The following FBLN2 variants were observed in gnomAD, a reference collection of about 807,000 sequenced individuals.
The protein encoded by FBLN2 is fibulin 2, also known as fibulin-2.
FBLN2 carries 81 observed loss-of-function variants against 123.7 expected under a neutral mutation model. The ratio of observed to expected loss-of-function variants is 0.65; its 90% confidence interval spans 0.55 to 0.79. The LOEUF (loss-of-function observed/expected upper bound fraction) is 0.79, where lower values mean the gene tolerates loss of function less well. Among genes scored for constraint, FBLN2 ranks in the 30% least tolerant of loss-of-function variants. The pLI, the probability that FBLN2 is intolerant of heterozygous loss-of-function variation, is 0.00. For synonymous variants in FBLN2, 699 were observed against 701.4 expected, an observed-to-expected ratio of 1.00 and a Z score of 0.05; for missense variants, 1,603 against 1,681.3, an observed-to-expected ratio of 0.95 and a Z score of 0.81.
chr3:13,590,854 G>A (rs1401442909), intron 2 of FBLN2, among the ~76,000 whole-genome samples: 1 of 152,202 alleles, frequency 6.6e-6, no homozygotes, highest in Non-Finnish European at 1.5e-5. Context: ...GTTCCATGCT[G>A]CACACTGTTG....
chr3:13,586,664 ATTTTTTTT>A (rs539204519), intron 2 of FBLN2, among the ~76,000 whole-genome samples: 1 of 124,820 alleles, frequency 8.0e-6, no homozygotes, highest in African/African-American at 3.2e-5. Context: ...TGCCCAGCTA[ATTTTTTTT>A]TTTTTTTTTT....
intron 4 of FBLN2, among the ~76,000 whole-genome samples, chr3:13,610,711 G>A (rs1250153134): frequency 6.6e-6 from 1 of 152,052 alleles, no homozygotes; most frequent in Non-Finnish European, 1.5e-5. Context: ...AAAACTTCCT[G>A]GAACACTGGT....
rs755138418 is a variant in FBLN2 at position 13,571,243 on chromosome 3, G to A, written c.888G>A (p.Leu296=). 6.4e-7 allele frequency: 1 copy of A among 1,567,746 alleles called. No homozygotes were observed. The highest frequency in any genetic ancestry group is 8.6e-7 in the Non-Finnish European group (1 of 1,156,794). ...EREEMAVTEQ[L]AAGGHRGLDG... ...AGGAAATGGCTGTCACTGAGCAGCT[G>A]GCAGCAGGTGGCCACAGGGGGCTGG... Residue 296 remains leucine, a synonymous_variant, in exon 2 of 18, where the codon CTG becomes CTA. Transcript: ENST00000404922.
intron 1 of FBLN2, among the ~76,000 whole-genome samples, chr3:13,551,246 C>T (rs887504719): frequency 1.3e-4 from 20 of 152,286 alleles, no homozygotes; most frequent in African/African-American, 4.1e-4. Flanking sequence ...TCCTACCCTT[C>T]GAGGCCTTAG....
chr3:13,561,349 T>C (rs1049397731), intron 1 of FBLN2, among the ~76,000 whole-genome samples: 1 of 152,130 alleles, frequency 6.6e-6, no homozygotes, highest in Non-Finnish European at 1.5e-5. Flanking sequence ...TTTGCTGAGG[T>C]CCCTGGGCCC....
At position 13,570,891 on chromosome 3, in the gene FBLN2, G is replaced by A. The variant is rs751166659; in HGVS notation, c.536G>A (p.Gly179Glu). The change falls in exon 2 of 18, where the codon GGG becomes GAG. Residue 179 changes from glycine to glutamate, a missense_variant. Transcript: ENST00000404922. ...LICYQLPGCH[G>E]NFSDAEEGDP... ...TGCTACCAGCTCCCCGGTTGCCACG[G>A]GAACTTCTCAGATGCCGAGGAGGGT... is the stretch of plus-strand genomic sequence containing the variant. 6.2e-7 allele frequency: 1 copy of A among 1,612,422 alleles called. No individual in the cohort carries two copies. The highest frequency in any genetic ancestry group is 8.5e-7 in the Non-Finnish European group (1 of 1,179,526).
intron 2 of FBLN2, among the ~76,000 whole-genome samples, chr3:13,599,683 T>G (rs1574971923): frequency 6.7e-6 from 1 of 148,772 alleles, no homozygotes; most frequent in Non-Finnish European, 1.5e-5. Context: ...GCCCTGTGAG[T>G]GATAGACTGG....
intron 16 of FBLN2, among the ~76,000 whole-genome samples, chr3:13,636,027 G>A (rs1706452569): frequency 6.6e-6 from 1 of 152,184 alleles, no homozygotes; most frequent in Admixed American, 6.5e-5. Flanking sequence ...CCAGCAGTAG[G>A]AAAAGCTGGG....
rs1442150065 is a variant in FBLN2, at chr3:13,618,122, A to G, written c.1776A>G (p.Thr592=). 1 of 1,613,534 alleles carries G rather than the reference A, an allele frequency of 6.2e-7. No individual in the cohort carries two copies. The highest frequency in any genetic ancestry group is 1.1e-5 in the South Asian group (1 of 91,084). The change falls in exon 6 of 18, where the codon ACA becomes ACG. Residue 592 remains threonine (T), a synonymous_variant. Transcript: ENST00000404922. ...MAGREALSLG[T]EAELPNSLPG... is the part of the protein sequence containing the mutation. The stretch of plus-strand genomic sequence containing the variant: ...GCCGAGAGGCCCTGTCACTGGGCAC[A>G]GAGGCCGAGCTGCCGAACAGCCTGC...
At chr3:13,558,281 G>T (rs2125033677) in intron 1 of FBLN2, among the ~76,000 whole-genome samples, 1 of 152,120 alleles carries the variant, frequency 6.6e-6, no homozygotes, top group African/African-American at 2.4e-5. Flanking sequence ...CTCCATCTCT[G>T]TCTTGGTCTC....
intron 2 of FBLN2, among the ~76,000 whole-genome samples, chr3:13,574,156 G>C (rs1290817610): frequency 6.6e-6 from 1 of 152,202 alleles, no homozygotes; most frequent in Admixed American, 6.5e-5. Context: ...GCAGTCATTT[G>C]AGTTTTAGGG....
intron 2 of FBLN2, among the ~76,000 whole-genome samples, chr3:13,592,944 T>C (rs1184519931): frequency 6.6e-6 from 1 of 152,182 alleles, no homozygotes; most frequent in Non-Finnish European, 1.5e-5. Context: ...TGGTCTGGGA[T>C]GGCCTCTGCT....
In FBLN2 at chr3:13,637,951, G is replaced by A. The variant is rs576053173; in HGVS notation, c.*32G>A. On this transcript the variant is annotated 3_prime_UTR_variant, in exon 18 of 18. Transcript: ENST00000404922. ...AGCACGGGCCACCTGCGGGTGTGGC[G>A]CAGCCCAGGGCTCACACTGCGTGGG... 3.2e-5 allele frequency: 48 copies of A among 1,523,596 alleles called. No homozygotes were observed. In the East Asian group the frequency reaches 7.7e-4, roughly 24 times the overall value. The allele number at this position is 1,523,596 out of a possible 1,614,324, so 94.4% of individuals were successfully genotyped here.
intron 2 of FBLN2, among the ~76,000 whole-genome samples, chr3:13,598,698 C>T (rs146968134): frequency 6.6e-6 from 1 of 152,146 alleles, no homozygotes; most frequent in Admixed American, 6.6e-5. Context: ...TTACCAGGGA[C>T]CTGGTCTGTG....
In FBLN2 at chr3:13,621,804, G is replaced by A. The variant is rs372097524; in HGVS notation, c.2185G>A (p.Asp729Asn). The change falls in exon 9 of 18, where the codon GAT (aspartate) becomes AAT (asparagine). Residue 729 changes from aspartate (D) to asparagine (N), a missense_variant. Transcript: ENST00000404922. Reference sequence around the variant, plus strand: ...AGACGAGTGCCTGATGGGTGCTCACGATTGTAGCCGGCGACAGTTCTGTGT... The same window carrying A: ...AGACGAGTGCCTGATGGGTGCTCACAATTGTAGCCGGCGACAGTTCTGTGT... The part of the protein sequence containing the change: ...DQDECLMGAH[D>N]CSRRQFCVNT... The A allele has an allele frequency of 6.2e-6, 10 of 1,613,918 alleles. No homozygotes were observed. The highest frequency in any genetic ancestry group is 3.3e-5 in the South Asian group (3 of 91,082).
chr3:13,587,619 G>A (rs2124850732), intron 2 of FBLN2, among the ~76,000 whole-genome samples: 1 of 152,360 alleles, frequency 6.6e-6, no homozygotes, highest in Non-Finnish European at 1.5e-5. Context: ...TTCAGGCCAT[G>A]AAGGGAAGTG....
intron 1 of FBLN2, 64 bp from the exon 2 acceptor site, chr3:13,570,251 C>T (rs897819456): frequency 4.9e-5 from 70 of 1,418,478 alleles, no homozygotes; most frequent in Middle Eastern, 1.8e-4. Context: ...GCGTGCGTGC[C>T]GGTGTGCACC....
chr3:13,614,973 T>TATCCATCCATCC (rs56688853), intron 5 of FBLN2, among the ~76,000 whole-genome samples: 2 of 143,224 alleles, frequency 1.4e-5, no homozygotes, highest in African/African-American at 5.2e-5. Context: ...TCCATCTGCT[T>TATCCATCCATCC]ATCCATCCAT....
At chr3:13,619,370 C>T (rs1435820733) in intron 7 of FBLN2, among the ~76,000 whole-genome samples, 1 of 151,310 alleles carries the variant, frequency 6.6e-6, no homozygotes, top group Non-Finnish European at 1.5e-5. Context: ...CTTTGTTGTT[C>T]TTCTCCTCAT....
Sources: gnomAD v4.1 joint callset for allele counts (sites outside exome capture counted in the v4.1 genomes callset) on GRCh38, gnomAD v4.1.1 for gene constraint, MANE v1.5 for transcripts, NCBI Gene and HGNC (gene_info 2026-07-23, HGNC 2026-07-21) for gene names.